CCNY: variants seen among roughly 807,000 people sequenced by gnomAD.
The protein encoded by CCNY is cyclin-Y.
Under a neutral mutation model 42.8 loss-of-function variants are expected in CCNY, and 19 were observed. The ratio of observed to expected loss-of-function variants is 0.44; its 90% CI spans 0.31 to 0.65. The LOEUF (loss-of-function observed/expected upper bound fraction) is 0.65, where lower values mean the gene tolerates loss of function less well. CCNY is among the 30% of genes least tolerant of loss of function. CCNY has a pLI of 0.07. For missense variants in CCNY, 370 were observed against 437.3 expected (o/e 0.85, Z 1.37); for synonymous variants, 165 against 162.7 (o/e 1.01, Z -0.11).
At chr10:35,403,579 C>T (rs113117842) in intron 1 of CCNY, among the ~76,000 whole-genome samples, 1 of 152,124 alleles carries the variant, frequency 6.6e-6, no homozygotes, top group Admixed American at 6.5e-5. Context: ...GTAAAGCGGC[C>T]TTGAGAAGAG....
At position 35,435,009 on chromosome 10, in the gene CCNY, CA is replaced by C. The variant is rs560236128; in HGVS notation, c.155-48394del. 2.2e-4 allele frequency among the ~76,000 whole-genome samples: 33 copies of C among 152,272 alleles called. No individual in the cohort carries two copies. In the East Asian group the frequency reaches 5.8e-3, roughly 27 times the overall value. On this transcript the variant is annotated intron_variant, in intron 1 of 9. Transcript: ENST00000374704. ...TGAGATGATGGACTGGTGAAGAAGG[CA>C]GGGGGCGAGGAGGCAAATGAGGAAA...
chr10:35,491,529 C>T (rs914736098), intron 2 of CCNY, among the ~76,000 whole-genome samples: 7 of 152,198 alleles, frequency 4.6e-5, no homozygotes, highest in African/African-American at 9.7e-5. Context: ...GTCTGGAAAT[C>T]GTACATGCTC....
At chr10:35,291,326 A>G (rs1261730774) in intron 3 of CCNY, among the ~76,000 whole-genome samples, 1 of 151,996 alleles carries the variant, frequency 6.6e-6, no homozygotes. Context: ...TTTTAAAGCT[A>G]GCTTCTTTCA....
At chr10:35,290,378 T>C (rs1375872113) in intron 3 of CCNY, among the ~76,000 whole-genome samples, 1 of 151,816 alleles carries the variant, frequency 6.6e-6, no homozygotes, top group African/African-American at 2.4e-5. Flanking sequence ...ATTGTGCCAC[T>C]GCACTCTAGC....
rs766293379 is a variant in CCNY at position 35,571,747 on chromosome 10, G to C, written c.*2577G>C. ...AAATCGTAGTGACTGTAATTTGTTT[G>C]TAAGGCGAATTAATGCTCTACAATT... On this transcript the variant is annotated 3_prime_UTR_variant, in exon 10 of 10. Transcript: ENST00000374704. 20 of 152,330 alleles carry C rather than the reference G, an allele frequency of 1.3e-4. No homozygotes were observed. The highest frequency in any genetic ancestry group is 2.4e-4 in the Non-Finnish European group (16 of 68,040). 9.4% of individuals were successfully genotyped at this position (152,330 alleles called of 1,614,324 possible). A position where few individuals can be genotyped will look rare whatever the true frequency, so the allele number is the denominator to read the frequency against.
At chr10:35,519,498 C>T (rs1053857610) in intron 4 of CCNY, among the ~76,000 whole-genome samples, 1 of 152,108 alleles carries the variant, frequency 6.6e-6, no homozygotes, top group African/African-American at 2.4e-5. Flanking sequence ...TTAAACCTCC[C>T]CAGGAGAGTC....
At chr10:35,384,099 T>C (rs1837251552) in intron 1 of CCNY, among the ~76,000 whole-genome samples, 1 of 152,206 alleles carries the variant, frequency 6.6e-6, no homozygotes, top group Non-Finnish European at 1.5e-5. Context: ...AAGGAGGGTT[T>C]CCTTCCCCTT....
intron 1 of CCNY, among the ~76,000 whole-genome samples, chr10:35,376,855 T>C (rs1451004987): frequency 1.3e-5 from 2 of 152,178 alleles, no homozygotes; most frequent in East Asian, 3.8e-4. Flanking sequence ...GGAAATCTAA[T>C]AGAGACAGGA....
At chr10:35,410,140 A>C (rs778085291) in intron 1 of CCNY, among the ~76,000 whole-genome samples, 13 of 152,368 alleles carry the variant, frequency 8.5e-5, no homozygotes, top group African/African-American at 3.1e-4. Context: ...AGCCAGAGAC[A>C]GACACATGGT....
intron 1 of CCNY, among the ~76,000 whole-genome samples, chr10:35,481,365 G>T (rs532262668): frequency 1.3e-5 from 2 of 152,292 alleles, no homozygotes; most frequent in East Asian, 1.9e-4. Context: ...TTGTCTTCCA[G>T]GACATTCTTG....
At chr10:35,492,995 G>A (rs193071486) in intron 2 of CCNY, among the ~76,000 whole-genome samples, 2 of 151,556 alleles carry the variant, frequency 1.3e-5, no homozygotes, top group Non-Finnish European at 2.9e-5. Context: ...GAGGTGCATG[G>A]GGGGGGGAGG....
chr10:35,324,093 T>C (rs532574977), intron 3 of CCNY, among the ~76,000 whole-genome samples: 2 of 151,760 alleles, frequency 1.3e-5, no homozygotes, highest in Admixed American at 1.3e-4. Flanking sequence ...ACAAAGGGAA[T>C]GTGAAAAAGA....
chr10:35,361,511 G>A (rs1213865640), intron 1 of CCNY, among the ~76,000 whole-genome samples: 1 of 152,084 alleles, frequency 6.6e-6, no homozygotes, highest in Non-Finnish European at 1.5e-5. Flanking sequence ...TTGTTTGCCT[G>A]TGGGGGGCAT....
chr10:35,446,404 T>C (rs1031815941), intron 1 of CCNY, among the ~76,000 whole-genome samples: 37 of 152,332 alleles, frequency 2.4e-4, no homozygotes, highest in South Asian at 2.1e-4. Flanking sequence ...GAGTTTTTTT[T>C]CCCCACTAAA....
chr10:35,328,654 C>T (rs983889410), intron 3 of CCNY, among the ~76,000 whole-genome samples: 1 of 152,138 alleles, frequency 6.6e-6, no homozygotes, highest in African/African-American at 2.4e-5. Flanking sequence ...AAATAAAAAA[C>T]AGGAGTGTTA....
chr10:35,449,963 G>C (rs1279881428), intron 1 of CCNY, among the ~76,000 whole-genome samples: 1 of 152,200 alleles, frequency 6.6e-6, no homozygotes, highest in Non-Finnish European at 1.5e-5. Context: ...ATCTCCTCCA[G>C]CTGTGTACAG....
At chr10:35,406,869 C>CG (rs1564399192) in intron 1 of CCNY, among the ~76,000 whole-genome samples, 1 of 151,704 alleles carries the variant, frequency 6.6e-6, no homozygotes, top group African/African-American at 2.4e-5. Flanking sequence ...CTGACCCCCC[C>CG]CCACCTCCGT....
At chr10:35,274,505 C>T (rs929190935) in intron 3 of CCNY, among the ~76,000 whole-genome samples, 16 of 152,182 alleles carry the variant, frequency 1.1e-4, no homozygotes, top group Admixed American at 3.9e-4. Flanking sequence ...CCTAAACCTG[C>T]ACAGAGCTCA....
chr10:35,480,838 T>TG (rs1377266885), intron 1 of CCNY, among the ~76,000 whole-genome samples: 1 of 152,032 alleles, frequency 6.6e-6, no homozygotes, highest in Non-Finnish European at 1.5e-5. Flanking sequence ...TTGTGGTACA[T>TG]GCCTGTAGTC....
Sources: gnomAD v4.1 joint callset for allele counts (sites outside exome capture counted in the v4.1 genomes callset) on GRCh38, gnomAD v4.1.1 for gene constraint, MANE v1.5 for transcripts, NCBI Gene and HGNC (gene_info 2026-07-23, HGNC 2026-07-21) for gene names.